CNTN4: variants seen among roughly 807,000 people sequenced by gnomAD.
CNTN4 encodes the protein contactin-4.
CNTN4 carries 77 observed loss-of-function variants against 122.5 expected under a neutral mutation model. The ratio of observed to expected loss-of-function variants is 0.63; its 90% CI spans 0.52 to 0.76. The LOEUF (loss-of-function observed/expected upper bound fraction) is 0.76. Among genes scored for constraint, CNTN4 ranks in the 30% least tolerant of loss-of-function variants. The pLI, the probability that CNTN4 is intolerant of heterozygous loss-of-function variation, is 0.00. For missense variants in CNTN4, 1,256 were observed against 1,259.1 expected (o/e 1.00, Z 0.04); for synonymous variants, 512 against 447.0 (o/e 1.15, Z -1.83).
chr3:2,306,906 A>G (rs1279679842), intron 2 of CNTN4, among the ~76,000 whole-genome samples: 2 of 152,020 alleles, frequency 1.3e-5, no homozygotes, highest in African/African-American at 2.4e-5. Context: ...TTTTTATTTC[A>G]TGTTTGAATT....
intron 4 of CNTN4, among the ~76,000 whole-genome samples, chr3:2,618,220 A>G (rs1384461596): frequency 6.7e-6 from 1 of 149,532 alleles, no homozygotes; most frequent in Non-Finnish European, 1.5e-5. Context: ...GGACATAGAA[A>G]GTGTTGTAAA....
intron 4 of CNTN4, among the ~76,000 whole-genome samples, chr3:2,651,829 G>C (rs1056947313): frequency 1.3e-5 from 2 of 150,550 alleles, no homozygotes; most frequent in East Asian, 2.0e-4. Context: ...TCTTACTCTC[G>C]AGTAGCTGGG....
At chr3:2,690,681 C>A (rs2085686796) in intron 4 of CNTN4, among the ~76,000 whole-genome samples, 1 of 152,110 alleles carries the variant, frequency 6.6e-6, no homozygotes, top group Admixed American at 6.6e-5. Context: ...GGGGCAAATC[C>A]TGACAGTTGT....
At chr3:2,498,842 T>G (rs1233798068) in intron 3 of CNTN4, among the ~76,000 whole-genome samples, 1 of 151,700 alleles carries the variant, frequency 6.6e-6, no homozygotes, top group Non-Finnish European at 1.5e-5. Context: ...CAGGTAGGAG[T>G]GCAGTGGTGT....
intron 4 of CNTN4, among the ~76,000 whole-genome samples, chr3:2,683,886 T>C (rs573739861): frequency 1.8e-4 from 28 of 152,250 alleles, no homozygotes; most frequent in Non-Finnish European, 3.4e-4. Context: ...GGCTCTACCT[T>C]AAACCTACCA....
intron 14 of CNTN4, among the ~76,000 whole-genome samples, chr3:3,011,705 G>C (rs1023449394): frequency 1.3e-5 from 2 of 152,130 alleles, no homozygotes; most frequent in Admixed American, 1.3e-4. Flanking sequence ...TCCTTGTAAA[G>C]TCGAGGCACA....
chr3:2,991,300 C>T (rs927149869), intron 14 of CNTN4, among the ~76,000 whole-genome samples: 3 of 152,072 alleles, frequency 2.0e-5, no homozygotes, highest in African/African-American at 4.8e-5. Context: ...AGGTATGAGC[C>T]ATGAGGTTAA....
intron 3 of CNTN4, among the ~76,000 whole-genome samples, chr3:2,540,387 ATTTCTC>A (rs1047338984): frequency 8.6e-5 from 13 of 152,024 alleles, no homozygotes; most frequent in Non-Finnish European, 1.5e-4. Flanking sequence ...TGGAGTGTTA[ATTTCTC>A]TTGCAGCAAA....
chr3:2,391,412 G>T (rs761814178), intron 3 of CNTN4, among the ~76,000 whole-genome samples: 38 of 152,178 alleles, frequency 2.5e-4, no homozygotes, highest in South Asian at 6.2e-4. Context: ...AACAATATAT[G>T]AAGCCATGAG....
chr3:2,675,317 C>A (rs987210481), intron 4 of CNTN4, among the ~76,000 whole-genome samples: 20 of 152,038 alleles, frequency 1.3e-4, no homozygotes, highest in African/African-American at 4.6e-4. Context: ...GACTTTTGTT[C>A]TCTCTCTTTT....
intron 13 of CNTN4, among the ~76,000 whole-genome samples, chr3:2,950,593 C>T (rs991773056): frequency 5.3e-5 from 8 of 152,166 alleles, no homozygotes; most frequent in East Asian, 1.9e-4. Context: ...CAAAATGGTG[C>T]GCATTGCCCA....
intron 4 of CNTN4, among the ~76,000 whole-genome samples, chr3:2,630,583 C>T (rs921012802): frequency 9.9e-5 from 15 of 152,036 alleles, no homozygotes; most frequent in Non-Finnish European, 2.2e-4. Context: ...CTTATTAGTA[C>T]ACGAATCATA....
At chr3:2,192,863 A>T (rs774488992) in intron 2 of CNTN4, among the ~76,000 whole-genome samples, 2 of 152,152 alleles carry the variant, frequency 1.3e-5, no homozygotes, top group Non-Finnish European at 2.9e-5. Context: ...TGTTGTTGTC[A>T]TGGGCGACAT....
chr3:2,669,979 C>G (rs1190670081), intron 4 of CNTN4, among the ~76,000 whole-genome samples: 1 of 152,164 alleles, frequency 6.6e-6, no homozygotes, highest in Non-Finnish European at 1.5e-5. Flanking sequence ...AATTTCTGTT[C>G]TTTTACATTT....
At chr3:2,997,536 A>C (rs536544563) in intron 14 of CNTN4, among the ~76,000 whole-genome samples, 27 of 152,306 alleles carry the variant, frequency 1.8e-4, no homozygotes, top group Admixed American at 1.4e-3. Context: ...ACTCTCAAAG[A>C]GGCAGTCCTA....
chr3:2,871,282 CAGA>C (rs1559602779), intron 8 of CNTN4, among the ~76,000 whole-genome samples: 1 of 152,160 alleles, frequency 6.6e-6, no homozygotes, highest in African/African-American at 2.4e-5. Flanking sequence ...AGTGACAAAA[CAGA>C]AGTATATCAT....
chr3:2,941,761 G>A (rs573279221), intron 13 of CNTN4, among the ~76,000 whole-genome samples: 4 of 152,200 alleles, frequency 2.6e-5, no homozygotes, highest in Non-Finnish European at 5.9e-5. Context: ...CATCACAAAT[G>A]CTTAAGATAG....
chr3:2,636,019 CTATA>C (rs2082644146), intron 4 of CNTN4, among the ~76,000 whole-genome samples: 1 of 152,144 alleles, frequency 6.6e-6, no homozygotes, highest in South Asian at 2.1e-4. Flanking sequence ...TTCTTCCCTG[CTATA>C]TAAACCCCTA....
At chr3:3,013,025 C>T (rs1206738177) in intron 14 of CNTN4, among the ~76,000 whole-genome samples, 1 of 152,110 alleles carries the variant, frequency 6.6e-6, no homozygotes, top group East Asian at 1.9e-4. Context: ...ACATCACCCT[C>T]TTCTTACTCT....
Sources: allele counts gnomAD v4.1 joint callset (sites outside exome capture counted in the v4.1 genomes callset), GRCh38; gene constraint gnomAD v4.1.1; transcripts MANE v1.5; gene names NCBI Gene and HGNC (gene_info 2026-07-23, HGNC 2026-07-21).